The following DYRK1A variants were observed in gnomAD, a reference collection of about 807,000 sequenced individuals.
DYRK1A encodes dual specificity tyrosine-phosphorylation-regulated kinase 1A.
Under a neutral mutation model 79.7 loss-of-function variants are expected in DYRK1A, and 9 were observed. The ratio of observed to expected loss-of-function variants is 0.11; its 90% CI spans 0.07 to 0.20. The LOEUF is 0.20. Among genes scored for constraint, DYRK1A ranks in the 10% least tolerant of loss-of-function variants. The pLI is 1.00. For missense variants in DYRK1A, 622 were observed against 956.0 expected (o/e 0.65, Z 4.61); for synonymous variants, 349 against 329.7 (o/e 1.06, Z -0.63).
At chr21:37,403,946 A>G (rs1268562012) in intron 1 of DYRK1A, among the ~76,000 whole-genome samples, 1 of 152,014 alleles carries the variant, frequency 6.6e-6, no homozygotes, top group Non-Finnish European at 1.5e-5. Context: ...TACCCTGTCT[A>G]ATATGGTGGA....
chr21:37,431,527 C>T (rs1245016168), intron 2 of DYRK1A, among the ~76,000 whole-genome samples: 1 of 152,160 alleles, frequency 6.6e-6, no homozygotes, highest in Non-Finnish European at 1.5e-5. Flanking sequence ...ACTGTTTCTT[C>T]TGTCCTTGAC....
At chr21:37,431,202 G>T (rs934953924) in intron 2 of DYRK1A, among the ~76,000 whole-genome samples, 4 of 152,192 alleles carry the variant, frequency 2.6e-5, no homozygotes, top group Non-Finnish European at 5.9e-5. Context: ...CTTGTTAGAA[G>T]CACCCTCCTT....
intron 1 of DYRK1A, among the ~76,000 whole-genome samples, chr21:37,390,726 A>G (rs11702804): frequency 0.078 from 11,827 of 152,032 alleles, 695 homozygotes; most frequent in Non-Finnish European, 0.12. Flanking sequence ...CTGTCACCAC[A>G]CCCGGCTAAT....
intron 2 of DYRK1A, among the ~76,000 whole-genome samples, chr21:37,471,845 T>C (rs2052235712): frequency 6.6e-6 from 1 of 152,222 alleles, no homozygotes; most frequent in African/African-American, 2.4e-5. Context: ...TTGAATCTAG[T>C]CATTCTTGTT....
At chr21:37,413,327 A>G (rs1233063166) in intron 1 of DYRK1A, among the ~76,000 whole-genome samples, 1 of 152,204 alleles carries the variant, frequency 6.6e-6, no homozygotes, top group Admixed American at 6.5e-5. Flanking sequence ...ATATAATTAC[A>G]TACGTATAAA....
intron 9 of DYRK1A, among the ~76,000 whole-genome samples, chr21:37,500,189 AAT>A (rs2053399083): frequency 6.6e-6 from 1 of 152,042 alleles, no homozygotes; most frequent in South Asian, 2.1e-4. Context: ...TTGCTTTTTT[AAT>A]ATCATGAGTG....
chr21:37,394,121 A>T lies in DYRK1A; in HGVS notation c.-76-26178A>T, dbSNP rs963251061. 3.3e-5 allele frequency among the ~76,000 whole-genome samples: 5 copies of T among 152,210 alleles called. 1 individual carries two copies. Among genetic ancestry groups the T allele is most frequent in the Middle Eastern group, 6.3e-3 (2 of 316 alleles). On this transcript the variant is annotated intron_variant, in intron 1 of 11. Transcript: ENST00000647188. ...CACATGAACCAAGTCTCTTTCTGAA[A>T]GGGAAAAAGAAAGATAACTTTTTTA...
rs1250674091 is a variant in DYRK1A, at chr21:37,520,515, A to C, written c.*7984A>C. 6.6e-6 allele frequency: 1 copy of C among 152,190 alleles called. No individual in the cohort carries two copies. The highest frequency in any genetic ancestry group is 1.9e-4 in the East Asian group (1 of 5,192). The allele number at this position is 152,190 out of a possible 1,614,324, so 9.4% of individuals were successfully genotyped here. On this transcript the variant is annotated 3_prime_UTR_variant, in exon 12 of 12. Transcript: ENST00000647188. ...ATTAGCCTGTTATTCCTAAAGTATC[A>C]TCCTCTCCTTGTATCAAATATAAGG...
In DYRK1A at chr21:37,512,999, TG is replaced by T. The variant is rs1569408295; in HGVS notation, c.*471del. The T allele has an allele frequency of 5.5e-5, 1 of 18,130 alleles. No individual in the cohort carries two copies. Among genetic ancestry groups the T allele is most frequent in the African/African-American group, 2.2e-4 (1 of 4,488 alleles). The allele number at this position is 18,130 out of a possible 1,614,324, so 1.1% of individuals were successfully genotyped here. On this transcript the variant is annotated 3_prime_UTR_variant, in exon 12 of 12. Coordinates refer to ENST00000647188, the MANE Select transcript of DYRK1A (RefSeq NM_001347721.2). Reference sequence around the variant, plus strand: ...TTCTGTTTTGTTTTGGGTGGGAGGGTGGGAAATTTGGGTTTTTAAGTCCTCT... The same window carrying T: ...TTCTGTTTTGTTTTGGGTGGGAGGGTGGAAATTTGGGTTTTTAAGTCCTCT...
intron 1 of DYRK1A, among the ~76,000 whole-genome samples, chr21:37,407,521 T>G (rs1456088771): frequency 6.6e-6 from 1 of 152,218 alleles, no homozygotes; most frequent in East Asian, 1.9e-4. Context: ...GTTTTATGAT[T>G]AAACCTTTTC....
At chr21:37,468,284 T>C (rs958260267) in intron 2 of DYRK1A, among the ~76,000 whole-genome samples, 2 of 152,120 alleles carry the variant, frequency 1.3e-5, no homozygotes, top group East Asian at 3.9e-4. Context: ...GCTTTTTTTT[T>C]TTCTTACAGA....
At position 37,517,350 on chromosome 21, in the gene DYRK1A, A is replaced by T. The variant is rs1735302619; in HGVS notation, c.*4819A>T. On this transcript the variant is annotated 3_prime_UTR_variant, in exon 12 of 12. Transcript: ENST00000647188. ...CATGGGTGTGGTTGGCCGAGTTCTC[A>T]TAGCTAGAGAAAGGCCGTGTAGGTA... The T allele has an allele frequency of 6.6e-6, 1 of 152,232 alleles. No individual in the cohort carries two copies. Among genetic ancestry groups the T allele is most frequent in the Admixed American group, 6.5e-5 (1 of 15,278 alleles). The allele number at this position is 152,232 out of a possible 1,614,324, so 9.4% of individuals were successfully genotyped here.
At chr21:37,377,150 C>T (rs923408704) in intron 1 of DYRK1A, among the ~76,000 whole-genome samples, 2 of 152,166 alleles carry the variant, frequency 1.3e-5, no homozygotes, top group African/African-American at 2.4e-5. Flanking sequence ...GACGGAGTCT[C>T]GCTCTTTCCC....
intron 1 of DYRK1A, among the ~76,000 whole-genome samples, chr21:37,410,101 T>G (rs2050216001): frequency 6.6e-6 from 1 of 152,202 alleles, no homozygotes. Flanking sequence ...ACAACCACAT[T>G]TGCCAGGACT....
chr21:37,382,468 G>C (rs2049676918), intron 1 of DYRK1A, among the ~76,000 whole-genome samples: 1 of 152,004 alleles, frequency 6.6e-6, no homozygotes, highest in Admixed American at 6.6e-5. Flanking sequence ...ATAATTTCTT[G>C]AACTTAGTTT....
At chr21:37,470,037 G>T (rs9984928) in intron 2 of DYRK1A, among the ~76,000 whole-genome samples, 1 of 151,966 alleles carries the variant, frequency 6.6e-6, no homozygotes, top group Non-Finnish European at 1.5e-5. Context: ...CCAGCTCCTC[G>T]GGAGGCTGAG....
At chr21:37,495,758 C>G (rs1024857090) in intron 8 of DYRK1A, among the ~76,000 whole-genome samples, 17 of 152,208 alleles carry the variant, frequency 1.1e-4, no homozygotes, top group African/African-American at 3.9e-4. Context: ...CACCACTGTA[C>G]TCCAGCCTGG....
intron 2 of DYRK1A, among the ~76,000 whole-genome samples, chr21:37,423,157 G>A (rs1289626541): frequency 6.6e-6 from 1 of 152,148 alleles, no homozygotes; most frequent in Non-Finnish European, 1.5e-5. Flanking sequence ...TTCAAGGCAT[G>A]CAGAGAGAAA....
At chr21:37,372,048 A>G (rs1043181753) in intron 1 of DYRK1A, among the ~76,000 whole-genome samples, 4 of 151,970 alleles carry the variant, frequency 2.6e-5, no homozygotes, top group Non-Finnish European at 4.4e-5. Flanking sequence ...AGAGCTATGC[A>G]TTTTCTCTTC....
Sources: gnomAD v4.1 joint callset for allele counts (sites outside exome capture counted in the v4.1 genomes callset) on GRCh38, gnomAD v4.1.1 for gene constraint, MANE v1.5 for transcripts, NCBI Gene and HGNC (gene_info 2026-07-23, HGNC 2026-07-21) for gene names.